PPA2: variants seen among roughly 807,000 people sequenced by gnomAD.
PPA2 encodes the protein inorganic pyrophosphatase 2.
PPA2 carries 48 observed loss-of-function variants against 49.5 expected under a neutral mutation model. That is an observed-to-expected ratio of 0.97 (90% CI 0.77 to 1.23). PPA2 has a LOEUF of 1.23. PPA2 is among the 50% of genes most tolerant of loss of function. The pLI is 0.00. For synonymous variants in PPA2, 131 were observed against 139.9 expected (o/e 0.94, Z 0.45); for missense variants, 429 against 410.1 (o/e 1.05, Z -0.40).
At chr4:105,409,936 T>A (rs975489377) in intron 7 of PPA2, among the ~76,000 whole-genome samples, 1 of 152,094 alleles carries the variant, frequency 6.6e-6, no homozygotes, top group Non-Finnish European at 1.5e-5. Context: ...CAAAGGTAGA[T>A]AAAACCACAA....
intron 1 of PPA2, among the ~76,000 whole-genome samples, chr4:105,467,498 A>T (rs922464235): frequency 1.3e-5 from 2 of 152,226 alleles, no homozygotes; most frequent in Admixed American, 1.3e-4. Flanking sequence ...ATTTCAAAAA[A>T]TTTTTTGAGT....
chr4:105,410,641 A>G (rs1445460559), intron 7 of PPA2, among the ~76,000 whole-genome samples: 4 of 152,210 alleles, frequency 2.6e-5, no homozygotes, highest in African/African-American at 9.6e-5. Context: ...AATGAAGGAA[A>G]AAATGTTAAG....
chr4:105,396,272 C>A lies in PPA2; in HGVS notation c.846G>T (p.Lys282Asn), dbSNP rs13787. ...HQCWKALLMK[K>N]CNGGAINCTN... ...ACCAATTTATAGCTCCTCCATTACA[C>A]TTCTTCATAAGCAATGCTTTCCAAC... The change falls in exon 9 of 12, where the codon AAG becomes AAT. Residue 282 changes from lysine (K) to asparagine (N), a missense_variant. Transcript: ENST00000341695. 1 of 1,591,982 alleles carries A rather than the reference C, an allele frequency of 6.3e-7. No homozygotes were observed. The highest frequency in any genetic ancestry group is 1.1e-5 in the South Asian group (1 of 86,984).
At chr4:105,471,927 A>C (rs1261652500) in intron 1 of PPA2, among the ~76,000 whole-genome samples, 1 of 152,244 alleles carries the variant, frequency 6.6e-6, no homozygotes, top group Non-Finnish European at 1.5e-5. Flanking sequence ...TATCCAACTG[A>C]ATGAAAAACG....
intron 6 of PPA2, among the ~76,000 whole-genome samples, chr4:105,425,299 A>C (rs1723441514): frequency 6.6e-6 from 1 of 152,214 alleles, no homozygotes; most frequent in Non-Finnish European, 1.5e-5. Context: ...ACAGATAGGA[A>C]CCTCAAAACA....
chr4:105,443,980 C>A (rs1051883621), intron 5 of PPA2, among the ~76,000 whole-genome samples: 9 of 152,176 alleles, frequency 5.9e-5, no homozygotes, highest in African/African-American at 2.2e-4. Context: ...CCATTCCCTG[C>A]TTAACTTTTC....
chr4:105,396,492 CTG>C (rs1734154044), intron 8 of PPA2, among the ~76,000 whole-genome samples, 158 bp from the exon 9 acceptor site: 1 of 152,180 alleles, frequency 6.6e-6, no homozygotes, highest in African/African-American at 2.4e-5. Flanking sequence ...TATTTGTCAG[CTG>C]TGTGACTTTG....
chr4:105,388,066 C>T (rs920281590), intron 9 of PPA2, among the ~76,000 whole-genome samples: 2 of 53,424 alleles, frequency 3.7e-5, no homozygotes, highest in Admixed American at 1.6e-4. Context: ...GAACAGGGGG[C>T]GGGGGTGGGG....
At chr4:105,427,849 C>T (rs754154804) in intron 6 of PPA2, among the ~76,000 whole-genome samples, 11 of 152,066 alleles carry the variant, frequency 7.2e-5, no homozygotes, top group African/African-American at 1.7e-4. Context: ...ATACAGAGAA[C>T]GCCACAAAGA....
At chr4:105,378,921 GC>G (rs1733365671) in intron 10 of PPA2, among the ~76,000 whole-genome samples, 1 of 151,988 alleles carries the variant, frequency 6.6e-6, no homozygotes, top group Non-Finnish European at 1.5e-5. Flanking sequence ...TTTTTAAAAA[GC>G]CTTGAAATCA....
chr4:105,452,044 T>G (rs1722699101), intron 3 of PPA2, among the ~76,000 whole-genome samples: 1 of 152,236 alleles, frequency 6.6e-6, no homozygotes, highest in South Asian at 2.1e-4. Context: ...TCAGTCCTTT[T>G]CTTTCTCTCC....
chr4:105,461,227 C>A (rs1304636008), intron 1 of PPA2, among the ~76,000 whole-genome samples: 2 of 152,158 alleles, frequency 1.3e-5, no homozygotes, highest in East Asian at 1.9e-4. Context: ...AGGGCTGCAA[C>A]CTGCAAGCAT....
chr4:105,414,169 CA>C (rs1471065218), intron 7 of PPA2, among the ~76,000 whole-genome samples: 3 of 151,856 alleles, frequency 2.0e-5, no homozygotes, highest in African/African-American at 4.8e-5. Context: ...ATCAGATTGG[CA>C]AAAAAATAAT....
intron 7 of PPA2, among the ~76,000 whole-genome samples, chr4:105,411,173 T>C (rs1722737670): frequency 6.6e-6 from 1 of 151,960 alleles, no homozygotes; most frequent in African/African-American, 2.4e-5. Flanking sequence ...AAGATGCATC[T>C]CAAGTGCAGA....
chr4:105,461,198 A>G (rs1363322636), intron 1 of PPA2, among the ~76,000 whole-genome samples: 5 of 152,226 alleles, frequency 3.3e-5, no homozygotes. Flanking sequence ...TTTGGAAAGC[A>G]GAGCTTTATT....
intron 1 of PPA2, among the ~76,000 whole-genome samples, chr4:105,463,895 T>C (rs890382588): frequency 6.6e-6 from 1 of 152,186 alleles, no homozygotes; most frequent in African/African-American, 2.4e-5. Context: ...GGCAAAAGTT[T>C]GCTGCAGTGG....
At chr4:105,407,579 A>G (rs1722541344) in intron 7 of PPA2, among the ~76,000 whole-genome samples, 1 of 152,212 alleles carries the variant, frequency 6.6e-6, no homozygotes, top group African/African-American at 2.4e-5. Flanking sequence ...TGAAAACTGG[A>G]AACCCAAATT....
intron 7 of PPA2, among the ~76,000 whole-genome samples, chr4:105,419,420 T>C (rs1322668992): frequency 6.6e-6 from 1 of 152,210 alleles, no homozygotes; most frequent in Non-Finnish European, 1.5e-5. Flanking sequence ...TGGCTTTTTG[T>C]TAATGAGCCT....
chr4:105,421,961 C>T (rs1429144125), intron 7 of PPA2, among the ~76,000 whole-genome samples: 4 of 151,870 alleles, frequency 2.6e-5, no homozygotes, highest in East Asian at 1.9e-4. Flanking sequence ...AAGAATCACT[C>T]AAACCTAGGA....
Sources: gnomAD v4.1 joint callset for allele counts (sites outside exome capture counted in the v4.1 genomes callset) on GRCh38, gnomAD v4.1.1 for gene constraint, MANE v1.5 for transcripts, NCBI Gene and HGNC (gene_info 2026-07-23, HGNC 2026-07-21) for gene names.